The following CA10 variants were observed in gnomAD, a reference collection of about 807,000 sequenced individuals.
CA10 encodes carbonic anhydrase-related protein 10.
In CA10, 14 loss-of-function variants were observed where a neutral mutation model predicts 44.2. The observed-to-expected ratio is 0.32, with a 90% CI of 0.21 to 0.50. CA10 has a LOEUF of 0.50. Among genes scored for constraint, CA10 ranks in the 20% least tolerant of loss-of-function variants. The pLI is 0.99. For missense variants in CA10, 350 were observed against 409.7 expected (o/e 0.85, Z 1.26); for synonymous variants, 159 against 141.6 (o/e 1.12, Z -0.87).
intron 3 of CA10, among the ~76,000 whole-genome samples, chr17:51,751,264 G>C (rs1904880422): frequency 6.6e-6 from 1 of 152,194 alleles, no homozygotes; most frequent in South Asian, 2.1e-4. Context: ...CAGGGACTGA[G>C]GGAGGGAGGA....
chr17:51,792,886 T>C (rs981553500), intron 3 of CA10, among the ~76,000 whole-genome samples: 11 of 152,198 alleles, frequency 7.2e-5, no homozygotes, highest in African/African-American at 2.7e-4. Context: ...GACTATACGG[T>C]ATATATTATT....
intron 3 of CA10, among the ~76,000 whole-genome samples, chr17:51,780,021 C>G (rs533956626): frequency 6.6e-6 from 1 of 152,218 alleles, no homozygotes; most frequent in South Asian, 2.1e-4. Flanking sequence ...ACACATAAAA[C>G]AGGAAGGAAC....
At chr17:51,720,621 G>C (rs1916322536) in intron 4 of CA10, among the ~76,000 whole-genome samples, 1 of 152,190 alleles carries the variant, frequency 6.6e-6, no homozygotes, top group Non-Finnish European at 1.5e-5. Flanking sequence ...CAACAACATG[G>C]ATGGAACTGG....
chr17:51,919,793 A>T (rs1321964872), intron 3 of CA10, among the ~76,000 whole-genome samples: 1 of 152,150 alleles, frequency 6.6e-6, no homozygotes, highest in Non-Finnish European at 1.5e-5. Flanking sequence ...CTGGGACTAC[A>T]GGTGCGCACC....
intron 2 of CA10, among the ~76,000 whole-genome samples, chr17:52,064,426 A>G (rs777139094): frequency 3.3e-5 from 5 of 152,198 alleles, no homozygotes; most frequent in Non-Finnish European, 7.3e-5. Context: ...TTACTCCATG[A>G]ATTAAGGAAT....
intron 1 of CA10, among the ~76,000 whole-genome samples, chr17:52,144,578 A>G (rs1406461605): frequency 6.6e-6 from 1 of 152,248 alleles, no homozygotes; most frequent in African/African-American, 2.4e-5. Context: ...TGCTATGAAA[A>G]GACATGATTA....
chr17:51,710,334 G>A (rs546606235), intron 4 of CA10, among the ~76,000 whole-genome samples: 200 of 152,290 alleles, frequency 1.3e-3, no homozygotes, highest in African/African-American at 4.6e-3. Flanking sequence ...GTTGGGGAGT[G>A]GCTGAGGGGC....
intron 1 of CA10, among the ~76,000 whole-genome samples, chr17:52,154,815 A>G (rs749395324): frequency 1.9e-4 from 29 of 152,220 alleles, no homozygotes; most frequent in Non-Finnish European, 3.8e-4. Context: ...GCATCTAGCT[A>G]AGCCTGGCCA....
At chr17:51,882,066 C>CAAAA (rs57495108) in intron 3 of CA10, among the ~76,000 whole-genome samples, 4 of 82,112 alleles carry the variant, frequency 4.9e-5, no homozygotes, top group African/African-American at 1.1e-4. Context: ...GCAGTGGCAA[C>CAAAA]AAAAAAAAAA....
At chr17:51,831,722 A>AGCGGCGGCAGCGGCG (rs1173587707) in intron 3 of CA10, among the ~76,000 whole-genome samples, 2 of 145,702 alleles carry the variant, frequency 1.4e-5, no homozygotes, top group African/African-American at 5.3e-5. Context: ...CAGCAGCAGC[A>AGCGGCGGCAGCGGCG]GCAGCAGCAG....
intron 2 of CA10, among the ~76,000 whole-genome samples, chr17:52,005,011 A>G (rs1985549664): frequency 6.6e-6 from 1 of 152,018 alleles, no homozygotes; most frequent in South Asian, 2.1e-4. Context: ...CTTAAGAAAT[A>G]AGACCCTCAA....
rs1039454375 is a variant in CA10, at chr17:51,691,095, T to C, written c.466-37359A>G. On this transcript the variant is annotated intron_variant, in intron 4 of 8. Coordinates refer to ENST00000451037, the MANE Select transcript of CA10 (RefSeq NM_020178.5). ...CCATATCCTTTGGGCATATATACAG[T>C]ACAGGGATTCCTGGATCATATGGTG... 2.6e-5 allele frequency among the ~76,000 whole-genome samples: 4 copies of C among 152,338 alleles called. No homozygotes were observed. In the South Asian group the frequency reaches 6.2e-4, roughly 24 times the overall value.
chr17:52,008,201 G>A (rs1308116130), intron 2 of CA10, among the ~76,000 whole-genome samples: 1 of 151,320 alleles, frequency 6.6e-6, no homozygotes, highest in Non-Finnish European at 1.5e-5. Flanking sequence ...GGATTCCTTT[G>A]CAAACAAAGT....
intron 2 of CA10, among the ~76,000 whole-genome samples, chr17:51,945,408 G>A (rs1430164770): frequency 6.6e-6 from 1 of 152,074 alleles, no homozygotes; most frequent in Admixed American, 6.6e-5. Flanking sequence ...AACCGAAAAC[G>A]ATGGCACACA....
chr17:51,950,652 C>T lies in CA10; in HGVS notation c.137-19520G>A, dbSNP rs111714921. The stretch of plus-strand genomic sequence containing the variant: ...TTCCCTATTATTAGAAGGCCCTAGA[C>T]GACTTCACCATTCCTTGTTAGTTTC... On this transcript the variant is annotated intron_variant, in intron 2 of 8. Coordinates refer to ENST00000451037, the MANE Select transcript of CA10 (RefSeq NM_020178.5). 9.3e-3 allele frequency among the ~76,000 whole-genome samples: 1,410 copies of T among 152,188 alleles called. 10 individuals are homozygous for T. The highest frequency in any genetic ancestry group is 0.013 in the Non-Finnish European group (897 of 67,994).
At chr17:51,756,882 T>C (rs981386485) in intron 3 of CA10, among the ~76,000 whole-genome samples, 3 of 152,160 alleles carry the variant, frequency 2.0e-5, no homozygotes, top group African/African-American at 4.8e-5. Context: ...TATCCAGACC[T>C]GGTCTAGACC....
chr17:51,974,846 C>T (rs1984409541), intron 2 of CA10, among the ~76,000 whole-genome samples: 2 of 151,964 alleles, frequency 1.3e-5, no homozygotes, highest in South Asian at 2.1e-4. Context: ...ACTTCTATAC[C>T]CAACAAAATA....
At chr17:51,733,331 G>A (rs16950448) in intron 4 of CA10, among the ~76,000 whole-genome samples, 28,751 of 152,092 alleles carry the variant, frequency 0.19, 3,072 homozygotes, top group East Asian at 0.3. Context: ...TGAAAGCCAC[G>A]CTTCGCCTCA....
chr17:51,677,181 T>C (rs899156900), intron 4 of CA10, among the ~76,000 whole-genome samples: 2 of 152,172 alleles, frequency 1.3e-5, no homozygotes, highest in African/African-American at 4.8e-5. Context: ...GGTGGTGATA[T>C]GGTTTGGGTC....
Sources: allele counts gnomAD v4.1 joint callset (sites outside exome capture counted in the v4.1 genomes callset), GRCh38; gene constraint gnomAD v4.1.1; transcripts MANE v1.5; gene names NCBI Gene and HGNC (gene_info 2026-07-23, HGNC 2026-07-21).